Variants in CYP26A1 observed in about 807,000 individuals in gnomAD.
The protein encoded by CYP26A1 is cytochrome P450 26A1.
CYP26A1 carries 46 observed loss-of-function variants against 47.4 expected under a neutral mutation model. The ratio of observed to expected loss-of-function variants is 0.97; its 90% CI spans 0.77 to 1.24. The LOEUF is 1.24. Ranked by LOEUF, CYP26A1 falls within the 50% of genes most tolerant of loss-of-function variation. The probability of loss-of-function intolerance (pLI) is 0.00; values close to 1 mark genes in which losing one functional copy is unlikely to be tolerated. For synonymous variants in CYP26A1, 277 were observed against 263.7 expected, an observed-to-expected ratio of 1.05 and a Z score of -0.49; for missense variants, 680 against 644.4, an observed-to-expected ratio of 1.06 and a Z score of -0.60.
rs1846953893 is a variant in CYP26A1, at chr10:93,074,944, C to T, written c.580C>T (p.Leu194=). 1 of 1,613,306 alleles carries T rather than the reference C, an allele frequency of 6.2e-7. No individual in the cohort carries two copies. Among genetic ancestry groups the T allele is most frequent in the East Asian group, 2.2e-5 (1 of 44,880 alleles). Residue 194 remains leucine, a synonymous_variant, in exon 3 of 7, where the codon CTG becomes TTG. Transcript: ENST00000224356. This position sits in a 1 kb window ranked among gnomAD's most constrained non-coding sequence, Gnocchi z 5.3. ...LMFRIAMRIL[L]GCEPQLAGDG... is the part of the protein sequence containing the mutation. ...GTTCCGAATCGCCATGCGCATCCTA[C>T]TGGGCTGCGAACCCCAACTGGCGGG...
rs758530300 is a variant in CYP26A1, at chr10:93,074,739, G to T, written c.415-40G>T. The T allele has an allele frequency of 2.6e-6, 4 of 1,529,828 alleles. No individual in the cohort carries two copies. In the African/African-American group the frequency reaches 4.1e-5, roughly 16 times the overall value. The allele number at this position is 1,529,828 out of a possible 1,614,324, so 94.8% of individuals were successfully genotyped here. On this transcript the variant is annotated intron_variant, in intron 2 of 6. Transcript: ENST00000224356. This position sits in a 1 kb window ranked among gnomAD's most constrained non-coding sequence, Gnocchi z 5.3. The stretch of plus-strand genomic sequence containing the variant: ...GGGGACGGCGGTAGACGAGAGGGGC[G>T]GATGGAGGCTTTTAACGCTGTCCCC...
At position 93,074,748 on chromosome 10, in the gene CYP26A1, C is replaced by T. The variant is rs141212700; in HGVS notation, c.415-31C>T. 1 of 1,567,432 alleles carries T rather than the reference C, an allele frequency of 6.4e-7. No homozygotes were observed. The highest frequency in any genetic ancestry group is 1.3e-5 in the African/African-American group (1 of 74,472). On this transcript the variant is annotated intron_variant, in intron 2 of 6. Transcript: ENST00000224356. This position sits in a 1 kb window ranked among gnomAD's most constrained non-coding sequence, Gnocchi z 5.3. ...GGTAGACGAGAGGGGCGGATGGAGG[C>T]TTTTAACGCTGTCCCCTCCTCGGGA...
Position 93,074,030 on chromosome 10 carries a change from C to A in CYP26A1, c.96C>A (p.Cys32Ter), listed in dbSNP as rs1846932219. The A allele has an allele frequency of 6.2e-7, 1 of 1,603,996 alleles. No individual in the cohort carries two copies. The highest frequency in any genetic ancestry group is 8.5e-7 in the Non-Finnish European group (1 of 1,173,180). The change falls in exon 1 of 7, where the codon TGC becomes TGA. Residue 32 changes from cysteine (C) to a stop codon, truncating the protein, a stop_gained. Coordinates refer to ENST00000224356, the MANE Select transcript of CYP26A1 (RefSeq NM_000783.4). LOFTEE classifies it high-confidence loss of function. The surrounding 1 kb of genome is among the most constrained non-coding windows in gnomAD (Gnocchi z 5.3). Reference sequence around the variant, plus strand: ...CGATCAAGCTCTGGGACCTGTACTGCGTGAGCGGCCGCGACCGCAGTTGTG... The same window carrying A: ...CGATCAAGCTCTGGGACCTGTACTGAGTGAGCGGCCGCGACCGCAGTTGTG... ...LAAIKLWDLY[C>*]VSGRDRSCAL...
At position 93,074,279 on chromosome 10, in the gene CYP26A1, C is replaced by T. The variant is rs750052606; in HGVS notation, c.190-29C>T. ...GCGCTCCCCGGCGCCCCCTCATGCC[C>T]ACTTCTCTCCTCCGCCTTCCTCCCA... is the stretch of plus-strand genomic sequence containing the variant. On this transcript the variant is annotated intron_variant, in intron 1 of 6. Transcript: ENST00000224356. This position sits in a 1 kb window ranked among gnomAD's most constrained non-coding sequence, Gnocchi z 5.3. The T allele has an allele frequency of 2.6e-6, 4 of 1,541,922 alleles. No homozygotes were observed. The highest frequency in any genetic ancestry group is 3.6e-6 in the Non-Finnish European group (4 of 1,117,340).
chr10:93,073,612 C>A, upstream of CYP26A1: 3 of 361,154 alleles, frequency 8.3e-6, no homozygotes, highest in Non-Finnish European at 1.5e-5. Context: ...TGGCCCTCCC[C>A]CACCGCCGCC....
intron 6 of CYP26A1, 124 bp from the exon 7 acceptor site, chr10:93,076,839 C>T: frequency 1.1e-6 from 1 of 903,484 alleles, no homozygotes; most frequent in Non-Finnish European, 1.7e-6. Flanking sequence ...GGATCCACCT[C>T]TCTCTTTCTA....
intron 4 of CYP26A1, chr10:93,075,622 A>G: frequency 1.7e-6 from 1 of 587,924 alleles, no homozygotes; most frequent in Non-Finnish European, 3.0e-6. Context: ...TTTCCGGTAG[A>G]GCGGGGTCGT....
In CYP26A1 at chr10:93,077,651, AC is replaced by A. The variant is rs1269818233; in HGVS notation, c.*348del. 2 of 160,056 alleles carry A rather than the reference AC, an allele frequency of 1.2e-5. No individual in the cohort carries two copies. The highest frequency in any genetic ancestry group is 4.8e-5 in the African/African-American group (2 of 41,758). 9.9% of individuals were successfully genotyped at this position (160,056 alleles called of 1,614,324 possible). A position where few individuals can be genotyped will look rare whatever the true frequency, so the allele number is the denominator to read the frequency against. On this transcript the variant is annotated 3_prime_UTR_variant, in exon 7 of 7. Coordinates refer to ENST00000224356, the MANE Select transcript of CYP26A1 (RefSeq NM_000783.4). ...GAAATCTTAGCTGTTTTTTATGTTA[AC>A]AGTTATTAGAAAATATATGTCTGTG... is the stretch of plus-strand genomic sequence containing the variant.
intron 6 of CYP26A1, 24 bp downstream of exon 6, chr10:93,076,720 T>G: frequency 3.2e-6 from 5 of 1,562,334 alleles, no homozygotes; most frequent in Non-Finnish European, 4.4e-6. Context: ...CTCTTCTTTC[T>G]CCCTTTTGTT....
intron 4 of CYP26A1, 77 bp from the exon 5 acceptor site, chr10:93,075,749 C>T: frequency 8.8e-7 from 1 of 1,132,638 alleles, no homozygotes; most frequent in Non-Finnish European, 1.3e-6. Context: ...CTCCAGAACT[C>T]TCAGTTCGAT....
At chr10:93,076,723 C>T (rs1846982634) in intron 6 of CYP26A1, 27 bp downstream of exon 6, 2 of 1,553,778 alleles carry the variant, frequency 1.3e-6, no homozygotes, top group Non-Finnish European at 1.8e-6. Flanking sequence ...TTCTTTCTCC[C>T]TTTTGTTGTG....
At chr10:93,076,091 G>A (rs2134424273) in intron 5 of CYP26A1, 131 bp downstream of exon 5, 1 of 671,674 alleles carries the variant, frequency 1.5e-6, no homozygotes, top group Non-Finnish European at 2.6e-6. Flanking sequence ...GGCTGCGTGG[G>A]CCAGTGGGCA....
In CYP26A1 at chr10:93,074,143, G is replaced by GT; in HGVS notation, c.189+20_189+21insT. 2.1e-6 allele frequency: 1 copy of GT among 483,736 alleles called. No homozygotes were observed. The highest frequency in any genetic ancestry group is 4.1e-6 in the Non-Finnish European group (1 of 246,528). 30.0% of individuals were successfully genotyped at this position (483,736 alleles called of 1,614,324 possible). On this transcript the variant is annotated intron_variant, in intron 1 of 6. Transcript: ENST00000224356. The surrounding 1 kb of genome is among the most constrained non-coding windows in gnomAD (Gnocchi z 5.3). Reference sequence around the variant, plus strand: ...CTGCAGGTAAGGGAGGGTGGGGCGGGACAGGCTGCTTCCCCGGAGCCCGGC... The same window carrying GT: ...CTGCAGGTAAGGGAGGGTGGGGCGGGTACAGGCTGCTTCCCCGGAGCCCGGC...
chr10:93,075,630 C>T (rs1159535000), intron 4 of CYP26A1, 196 bp from the exon 5 acceptor site: 3 of 588,026 alleles, frequency 5.1e-6, no homozygotes, highest in Non-Finnish European at 9.1e-6. Context: ...AGAGCGGGGT[C>T]GTACTCGCCT....
At chr10:93,073,740 G>T (rs867352351), upstream of CYP26A1, 2 of 564,986 alleles carry the variant, frequency 3.5e-6, no homozygotes, top group Middle Eastern at 4.7e-4. Flanking sequence ...GGAACAAACG[G>T]TTAAAGATTT....
intron 4 of CYP26A1, chr10:93,075,569 A>G: frequency 3.4e-6 from 2 of 591,868 alleles, no homozygotes; most frequent in Non-Finnish European, 6.0e-6. Flanking sequence ...ATGTTAATAA[A>G]GAACCTTGCG....
intron 6 of CYP26A1, 63 bp from the exon 7 acceptor site, chr10:93,076,900 C>T (rs1191160342): frequency 1.7e-6 from 2 of 1,191,920 alleles, no homozygotes; most frequent in East Asian, 2.4e-5. Flanking sequence ...TCAGTGACTG[C>T]TTTTTGTTGT....
In CYP26A1 at chr10:93,077,203, T is replaced by C; in HGVS notation, c.1393T>C (p.Trp465Arg). The part of the protein sequence containing the change: ...FTVELARHCD[W>R]QLLNGPPTMK... ...AGTGGAGCTGGCCAGGCATTGTGACTGGCAGCTTCTAAATGGACCTCCTAC... is the reference window on the plus strand; with the variant it reads ...AGTGGAGCTGGCCAGGCATTGTGACCGGCAGCTTCTAAATGGACCTCCTAC... Residue 465 changes from tryptophan (W) to arginine (R), a missense_variant, in exon 7 of 7, where the codon TGG becomes CGG. Coordinates refer to ENST00000224356, the MANE Select transcript of CYP26A1 (RefSeq NM_000783.4). 6.2e-7 allele frequency: 1 copy of C among 1,611,428 alleles called. No individual in the cohort carries two copies. Among genetic ancestry groups the C allele is most frequent in the Non-Finnish European group, 8.5e-7 (1 of 1,177,768 alleles).
chr10:93,073,668 C>T (rs1846925994), upstream of CYP26A1: 2 of 508,596 alleles, frequency 3.9e-6, no homozygotes, highest in Admixed American at 7.8e-5. Context: ...CAGCTCCTAG[C>T]CCCGCACCCC....
Sources: gnomAD v4.1 joint callset for allele counts on GRCh38, gnomAD v4.1.1 for gene constraint, Gnocchi (gnomAD v3.1) non-coding constraint, MANE v1.5 for transcripts, NCBI Gene and HGNC (gene_info 2026-07-23, HGNC 2026-07-21) for gene names.